The following WWTR1 variants were observed in gnomAD, a reference collection of about 807,000 sequenced individuals.
WWTR1 encodes the protein WW domain containing transcription regulator 1.
A neutral mutation model predicts 40.1 loss-of-function variants in WWTR1; 13 were observed. That is an observed-to-expected ratio of 0.32 (90% CI 0.21 to 0.52). The LOEUF is 0.52. WWTR1 is among the 20% of genes least tolerant of loss of function. The pLI is 0.97. For synonymous variants in WWTR1, 230 were observed against 210.1 expected (o/e 1.09, Z -0.82); for missense variants, 436 against 523.1 (o/e 0.83, Z 1.63).
chr3:149,713,242 T>TA (rs1299829860), intron 5 of WWTR1, among the ~76,000 whole-genome samples: 1 of 152,134 alleles, frequency 6.6e-6, no homozygotes. Context: ...TATTTGACTT[T>TA]AAAAAAACAT....
chr3:149,626,651 CATACTCCAAGGGA>C (rs1448661267), intron 2 of WWTR1, among the ~76,000 whole-genome samples: 2 of 151,772 alleles, frequency 1.3e-5, no homozygotes, highest in African/African-American at 4.8e-5. Flanking sequence ...CCTTTTTTTC[CATACTCCAAGGGA>C]AGATACCAGA....
exon 1 of WWTR1, chr3:149,703,255 T>A (rs1272466623): frequency 6.6e-6 from 1 of 152,278 alleles, no homozygotes; most frequent in Non-Finnish European, 1.5e-5. Context: ...GAGTCTCTGG[T>A]GTTGTAGAGG....
At chr3:149,577,715 C>T (rs1208009334) in intron 2 of WWTR1, among the ~76,000 whole-genome samples, 1 of 152,068 alleles carries the variant, frequency 6.6e-6, no homozygotes, top group Non-Finnish European at 1.5e-5. Context: ...TAATATTTTC[C>T]TCCAGAAAGA....
chr3:149,549,506 T>C (rs1736518410), intron 3 of WWTR1, among the ~76,000 whole-genome samples: 1 of 152,152 alleles, frequency 6.6e-6, no homozygotes. Flanking sequence ...TTTAAGAAAC[T>C]GTCACAGCCA....
chr3:149,588,665 T>G (rs1254368870), intron 2 of WWTR1, among the ~76,000 whole-genome samples: 2 of 152,180 alleles, frequency 1.3e-5, no homozygotes, highest in African/African-American at 4.8e-5. Flanking sequence ...TATCTTTACA[T>G]TTCTTTGTTC....
chr3:149,682,588 C>T (rs1427281157), intron 1 of WWTR1, among the ~76,000 whole-genome samples: 2 of 152,176 alleles, frequency 1.3e-5, no homozygotes, highest in Non-Finnish European at 2.9e-5. Flanking sequence ...TGGACTGCAT[C>T]ATTCAACATA....
chr3:149,657,203 A>G lies in WWTR1; in HGVS notation c.104T>C (p.Val35Ala). ...DTDLEALFNS[V>A]MNPKPSSWRK... ...CCACGAGCTAGGCTTCGGATTCATG[A>G]CAGAGTTGAAGAGGGCTTCGAGGTC... The change falls in exon 2 of 7, where the codon GTC (valine) becomes GCC (alanine). Residue 35 changes from valine (V) to alanine (A), a missense_variant. Coordinates refer to ENST00000360632, the MANE Select transcript of WWTR1 (RefSeq NM_015472.6). 1.9e-6 allele frequency: 3 copies of G among 1,612,174 alleles called. No individual in the cohort carries two copies. The highest frequency in any genetic ancestry group is 2.5e-6 in the Non-Finnish European group (3 of 1,179,384).
intron 2 of WWTR1, among the ~76,000 whole-genome samples, chr3:149,620,026 G>T (rs1257147569): frequency 6.6e-6 from 1 of 152,106 alleles, no homozygotes; most frequent in Non-Finnish European, 1.5e-5. Context: ...TACACGCTTT[G>T]ATGTATTTTG....
chr3:149,650,657 TC>T (rs5853431), intron 2 of WWTR1, among the ~76,000 whole-genome samples: 65,462 of 151,884 alleles, frequency 0.43, 14,494 homozygotes, highest in Middle Eastern at 0.61. Context: ...TTCCTCTTCC[TC>T]CCCTATCCCA....
At chr3:149,581,403 T>C (rs1446446787) in intron 2 of WWTR1, among the ~76,000 whole-genome samples, 2 of 151,194 alleles carry the variant, frequency 1.3e-5, no homozygotes. Context: ...ACAGCAGAAA[T>C]GTGTTAGATG....
At chr3:149,535,995 G>A (rs930184432) in intron 4 of WWTR1, among the ~76,000 whole-genome samples, 1 of 152,100 alleles carries the variant, frequency 6.6e-6, no homozygotes, top group Non-Finnish European at 1.5e-5. Flanking sequence ...CCTAGGTGAT[G>A]AAGTGAGACT....
chr3:149,658,068 A>G (rs1713369988), upstream of WWTR1: 1 of 152,596 alleles, frequency 6.6e-6, no homozygotes, highest in African/African-American at 2.4e-5. Flanking sequence ...CCCCCAGGAA[A>G]GAGGCGGGCC....
At chr3:149,536,317 T>C (rs1253471733) in intron 4 of WWTR1, among the ~76,000 whole-genome samples, 1 of 152,228 alleles carries the variant, frequency 6.6e-6, no homozygotes, top group Non-Finnish European at 1.5e-5. Flanking sequence ...GTTAACCCAG[T>C]CAACTCTGAA....
At chr3:149,531,277 G>T (rs187745956) in intron 4 of WWTR1, among the ~76,000 whole-genome samples, 172 of 152,322 alleles carry the variant, frequency 1.1e-3, no homozygotes, top group African/African-American at 4.0e-3. Context: ...GTCTGAGTTA[G>T]AAAGTTATTA....
At chr3:149,554,077 A>G (rs1736723007) in intron 3 of WWTR1, among the ~76,000 whole-genome samples, 1 of 152,152 alleles carries the variant, frequency 6.6e-6, no homozygotes, top group Non-Finnish European at 1.5e-5. Context: ...GCAGCTTTTC[A>G]CTTCAGGGTG....
At chr3:149,619,677 C>T (rs944794864) in intron 2 of WWTR1, among the ~76,000 whole-genome samples, 1 of 152,112 alleles carries the variant, frequency 6.6e-6, no homozygotes, top group Non-Finnish European at 1.5e-5. Flanking sequence ...TCTTCAATCT[C>T]CACACTCTGT....
chr3:149,629,398 C>T (rs1253805155), intron 2 of WWTR1, among the ~76,000 whole-genome samples: 3 of 152,198 alleles, frequency 2.0e-5, no homozygotes, highest in African/African-American at 7.2e-5. Flanking sequence ...TATCTAAGAA[C>T]TAGGTCAGTA....
chr3:149,631,889 T>A (rs1396816086), intron 2 of WWTR1, among the ~76,000 whole-genome samples: 1 of 152,190 alleles, frequency 6.6e-6, no homozygotes, highest in Non-Finnish European at 1.5e-5. Flanking sequence ...TGAGGCATGA[T>A]ACCTTAATAA....
At chr3:149,623,909 T>C (rs1443244389) in intron 2 of WWTR1, among the ~76,000 whole-genome samples, 2 of 152,230 alleles carry the variant, frequency 1.3e-5, no homozygotes, top group Non-Finnish European at 2.9e-5. Flanking sequence ...TGTTGTGCTC[T>C]CTTGCATATA....
Sources: allele counts gnomAD v4.1 joint callset (sites outside exome capture counted in the v4.1 genomes callset), GRCh38; gene constraint gnomAD v4.1.1; transcripts MANE v1.5; gene names NCBI Gene and HGNC (gene_info 2026-07-23, HGNC 2026-07-21).